Variants in ACAA2 observed in about 807,000 individuals in gnomAD.
ACAA2 encodes the protein 3-ketoacyl-CoA thiolase, mitochondrial.
ACAA2 carries 35 observed loss-of-function variants against 44.8 expected under a neutral mutation model. The ratio of observed to expected loss-of-function variants is 0.78; its 90% CI spans 0.60 to 1.04. ACAA2 has a LOEUF of 1.04. Among genes scored for constraint, ACAA2 ranks in the 50% least tolerant of loss-of-function variants. The pLI, the probability that ACAA2 is intolerant of heterozygous loss-of-function variation, is 0.00. For synonymous variants in ACAA2, 142 were observed against 166.5 expected (o/e 0.85, Z 1.13); for missense variants, 468 against 482.6 (o/e 0.97, Z 0.28).
rs549264409 is a variant in ACAA2 at position 49,808,507 on chromosome 18, G to C, written c.16+4962C>G. On this transcript the variant is annotated intron_variant, in intron 1 of 9. Transcript: ENST00000285093. Reference sequence around the variant, plus strand: ...GTAGGTTCTATTTTCCTTAAGTGTCGGCCGGTCTGAGAAACAGAAAGAGTA... The same window carrying C: ...GTAGGTTCTATTTTCCTTAAGTGTCCGCCGGTCTGAGAAACAGAAAGAGTA... Among the ~76,000 whole-genome samples, 5 of 152,166 alleles carry C rather than the reference G, an allele frequency of 3.3e-5. No homozygotes were observed. The East Asian group carries it at 9.6e-4, about 29-fold the overall frequency.
At chr18:49,812,374 C>T (rs1483201586) in intron 1 of ACAA2, among the ~76,000 whole-genome samples, 1 of 6,298 alleles carries the variant, frequency 1.6e-4, no homozygotes, top group African/African-American at 1.1e-3. Context: ...CCCAATTTTC[C>T]TCACTCTGTA....
chr18:49,797,947 C>T (rs981825685), intron 2 of ACAA2, among the ~76,000 whole-genome samples: 16 of 152,140 alleles, frequency 1.1e-4, no homozygotes, highest in Non-Finnish European at 7.4e-5. Context: ...AAGATAATTG[C>T]TACTTAGAGA....
chr18:49,784,141 A>AAAAC (rs1405930698), intron 9 of ACAA2, among the ~76,000 whole-genome samples: 98 of 152,316 alleles, frequency 6.4e-4, no homozygotes, highest in African/African-American at 2.2e-3. Flanking sequence ...ACAAAGAACA[A>AAAAC]AAACAAACAC....
At chr18:49,801,183 C>A (rs911878160) in intron 2 of ACAA2, among the ~76,000 whole-genome samples, 1 of 152,150 alleles carries the variant, frequency 6.6e-6, no homozygotes, top group Non-Finnish European at 1.5e-5. Context: ...TTATTCGAAG[C>A]ATATTCTGTT....
At chr18:49,804,968 C>G (rs1038775500) in intron 1 of ACAA2, among the ~76,000 whole-genome samples, 1 of 152,190 alleles carries the variant, frequency 6.6e-6, no homozygotes, top group Non-Finnish European at 1.5e-5. Context: ...AAATACTAGA[C>G]ATTTTATCAC....
In ACAA2 at chr18:49,785,198, TTAATTCGTGAACCAGGTGTGCAG is replaced by T. The variant is rs1225820716; in HGVS notation, c.1085_1107del (p.Thr362LysfsTer37). 4.3e-6 allele frequency: 7 copies of T among 1,609,552 alleles called. No individual in the cohort carries two copies. The highest frequency in any genetic ancestry group is 4.0e-5 in the African/African-American group (3 of 74,550). On this transcript the variant is annotated frameshift_variant and splice_region_variant, in exon 9 of 10. Transcript: ENST00000285093. LOFTEE classifies it low-confidence loss of function (END_TRUNC). Reference sequence around the variant, plus strand: ...AATGCAGCTATTTCTAGCAAATACCTTAATTCGTGAACCAGGTGTGCAGTAATTCTTGATCCAGATCCTCCCAG... The same window carrying T: ...AATGCAGCTATTTCTAGCAAATACCTTAATTCTTGATCCAGATCCTCCCAG...
In ACAA2 at chr18:49,802,750, G is replaced by A. The variant is rs1359465537; in HGVS notation, c.120C>T (p.Ala40=). Residue 40 remains alanine, a synonymous_variant, in exon 2 of 10, where the codon GCC becomes GCT. Transcript: ENST00000285093. ...TDLSEFAAKA[A]LSAGKVSPET... ...CAGGTGAGACTTTGCCAGCAGACAA[G>A]GCAGCCTTGGCAGCAAATTCAGACA... 3.1e-6 allele frequency: 5 copies of A among 1,614,088 alleles called. No individual in the cohort carries two copies. The highest frequency in any genetic ancestry group is 4.2e-6 in the Non-Finnish European group (5 of 1,180,010).
At chr18:49,801,785 CATATATATATATAT>C (rs55864039) in intron 2 of ACAA2, among the ~76,000 whole-genome samples, 9 of 112,234 alleles carry the variant, frequency 8.0e-5, no homozygotes, top group South Asian at 6.5e-4. Context: ...AGAAACTGAT[CATATATATATATAT>C]ATATATATAT....
chr18:49,793,751 T>G lies in ACAA2; in HGVS notation c.577+529A>C, dbSNP rs184651871. Among the ~76,000 whole-genome samples the G allele has an allele frequency of 1.9e-3, 295 of 152,354 alleles. 1 individual carries two copies. The highest frequency in any genetic ancestry group is 2.8e-3 in the Non-Finnish European group (190 of 68,036). On this transcript the variant is annotated intron_variant, in intron 5 of 9. Coordinates refer to ENST00000285093, the MANE Select transcript of ACAA2 (RefSeq NM_006111.3). ...GTTTTGGACCGGCTCTATAGCAACC[T>G]GCTGTGCTACACCAGGGCACTCTAA...
At position 49,785,363 on chromosome 18, in the gene ACAA2, A is replaced by G. The variant is rs1456768403; in HGVS notation, c.955-12T>C. On this transcript the variant is annotated splice_polypyrimidine_tract_variant and intron_variant, in intron 8 of 9. Coordinates refer to ENST00000285093, the MANE Select transcript of ACAA2 (RefSeq NM_006111.3). ...AAAGCTTCATTCACCTTAAAACAAA[A>G]ATTAGAGCACTAACAAAAATCCTTA... 1.9e-6 allele frequency: 3 copies of G among 1,612,450 alleles called. No individual in the cohort carries two copies. Among genetic ancestry groups the G allele is most frequent in the Non-Finnish European group, 2.5e-6 (3 of 1,179,322 alleles).
Position 49,791,530 on chromosome 18 carries a change from G to T in ACAA2, c.823C>A (p.Pro275Thr). ...AAGTAGCCCACAATTCTTGCCAGTG[G>T]TGTGAAGTTATGTTTCTTAACAGCA... ...EDAVKKHNFT[P>T]LARIVGYFVS... is the part of the protein sequence containing the mutation. The change falls in exon 7 of 10, where the codon CCA becomes ACA. Residue 275 changes from proline (P) to threonine (T), a missense_variant. By Grantham distance (38) the Pro-to-Thr change is conservative (BLOSUM62 -1). Transcript: ENST00000285093. The T allele has an allele frequency of 1.2e-6, 2 of 1,612,652 alleles. No individual in the cohort carries two copies. Among genetic ancestry groups the T allele is most frequent in the Non-Finnish European group, 1.7e-6 (2 of 1,179,722 alleles).
intron 7 of ACAA2, among the ~76,000 whole-genome samples, chr18:49,788,539 A>AGGATCTGATTCCAGATTCTCTTTGT (rs1426477305): frequency 6.6e-6 from 1 of 151,544 alleles, no homozygotes; most frequent in African/African-American, 2.4e-5. Context: ...GATTTACTAC[A>AGGATCTGATTCCAGATTCTCTTTGT]GGATCTGATT....
chr18:49,803,997 G>A lies in ACAA2; in HGVS notation c.17-1144C>T, dbSNP rs577322494. 1.5e-4 allele frequency among the ~76,000 whole-genome samples: 22 copies of A among 146,994 alleles called. No individual in the cohort carries two copies. The South Asian group carries it at 1.7e-3, about 12-fold the overall frequency. Reference sequence around the variant, plus strand: ...GCGATTTCGGCTCACTGCAACCTCCGCCTCCCGGGTTCAAGTGATTCTCCT... The same window carrying A: ...GCGATTTCGGCTCACTGCAACCTCCACCTCCCGGGTTCAAGTGATTCTCCT... On this transcript the variant is annotated intron_variant, in intron 1 of 9. Coordinates refer to ENST00000285093, the MANE Select transcript of ACAA2 (RefSeq NM_006111.3).
intron 2 of ACAA2, among the ~76,000 whole-genome samples, chr18:49,799,400 G>A (rs920126466): frequency 8.7e-6 from 1 of 114,944 alleles, no homozygotes; most frequent in Admixed American, 7.8e-5. Flanking sequence ...TTTTTTTGGT[G>A]GAGACGGGGT....
chr18:49,789,814 T>C (rs935183064), intron 7 of ACAA2, among the ~76,000 whole-genome samples: 20 of 152,162 alleles, frequency 1.3e-4, no homozygotes, highest in Admixed American at 3.3e-4. Context: ...AAAAACCCTG[T>C]CTCTGCTAAA....
intron 7 of ACAA2, among the ~76,000 whole-genome samples, chr18:49,788,368 C>A (rs184631367): frequency 2.6e-5 from 4 of 152,190 alleles, no homozygotes; most frequent in Non-Finnish European, 5.9e-5. Context: ...TCAGTCTTTA[C>A]AAGAAAGGCA....
At chr18:49,785,449 TC>T (rs2023317006) in intron 8 of ACAA2, 98 bp from the exon 9 acceptor site, 2 of 1,190,000 alleles carry the variant, frequency 1.7e-6, no homozygotes, top group Non-Finnish European at 2.4e-6. Context: ...GTCTGCTGTT[TC>T]TTCCTATTTA....
At position 49,790,272 on chromosome 18, in the gene ACAA2, C is replaced by T. The variant is rs549876136; in HGVS notation, c.883+1198G>A. Reference sequence around the variant, plus strand: ...ATTTGAGACACATAGTGAAAGATGACAAAATATGAACATGCCAGCTTTTTT... The same window carrying T: ...ATTTGAGACACATAGTGAAAGATGATAAAATATGAACATGCCAGCTTTTTT... On this transcript the variant is annotated intron_variant, in intron 7 of 9. Coordinates refer to ENST00000285093, the MANE Select transcript of ACAA2 (RefSeq NM_006111.3). Among the ~76,000 whole-genome samples the T allele has an allele frequency of 8.5e-4, 130 of 152,240 alleles. 1 individual carries two copies. The highest frequency in any genetic ancestry group is 1.4e-3 in the Admixed American group (21 of 15,300).
Position 49,782,359 on chromosome 18 carries a change from G to A in ACAA2, c.*1488C>T, listed in dbSNP as rs1285446453. On this transcript the variant is annotated 3_prime_UTR_variant, in exon 10 of 10. Coordinates refer to ENST00000285093, the MANE Select transcript of ACAA2 (RefSeq NM_006111.3). ...GTCATCTGCCTCTCTATGACAGAAA[G>A]GGGGATGTATGTGCCACTTCAGCTT... The A allele has an allele frequency of 6.6e-6, 1 of 152,100 alleles. No individual in the cohort carries two copies. The highest frequency in any genetic ancestry group is 1.5e-5 in the Non-Finnish European group (1 of 68,040). The allele number at this position is 152,100 out of a possible 1,614,324, so 9.4% of individuals were successfully genotyped here.
Sources: gnomAD v4.1 joint callset for allele counts (sites outside exome capture counted in the v4.1 genomes callset) on GRCh38, gnomAD v4.1.1 for gene constraint, MANE v1.5 for transcripts, NCBI Gene and HGNC (gene_info 2026-07-23, HGNC 2026-07-21) for gene names.